BLTP3B: variants seen among roughly 807,000 people sequenced by gnomAD.
BLTP3B encodes UHRF1 (ICBP90) binding protein 1-like.
At chr12:100,047,325 C>T in the BLTP3B span, among the ~76,000 whole-genome samples, 1 of 151,954 alleles carries the variant, frequency 6.6e-6, no homozygotes, top group African/African-American at 2.4e-5. Context: ...TGGTGAAACC[C>T]CATCTCTACT....
the BLTP3B span, among the ~76,000 whole-genome samples, chr12:100,132,351 G>A: frequency 6.6e-6 from 1 of 152,186 alleles, no homozygotes. Flanking sequence ...TGACAGTGTT[G>A]GGAGGTGGCG....
At chr12:100,128,076 C>T in the BLTP3B span, among the ~76,000 whole-genome samples, 1 of 152,122 alleles carries the variant, frequency 6.6e-6, no homozygotes, top group Non-Finnish European at 1.5e-5. Flanking sequence ...GTTTGTGAGA[C>T]TTATTTCAAT....
At chr12:100,135,952 C>T in the BLTP3B span, among the ~76,000 whole-genome samples, 1 of 152,134 alleles carries the variant, frequency 6.6e-6, no homozygotes, top group African/African-American at 2.4e-5. Context: ...GTGGCTCATG[C>T]CTGTAATCCC....
chr12:100,083,075 T>C, the BLTP3B span: 1 of 1,613,890 alleles, frequency 6.2e-7, no homozygotes, highest in Non-Finnish European at 8.5e-7. Context: ...AGCTTAGCTT[T>C]TGATTGTTGA....
chr12:100,111,436 C>G, the BLTP3B span, among the ~76,000 whole-genome samples: 1 of 151,452 alleles, frequency 6.6e-6, no homozygotes, highest in Admixed American at 6.6e-5. Flanking sequence ...GACCACCACA[C>G]CCAGCTAATT....
chr12:100,089,174 C>A, the BLTP3B span: 2 of 1,247,800 alleles, frequency 1.6e-6, no homozygotes, highest in Non-Finnish European at 2.1e-6. Flanking sequence ...TATTTTCAGT[C>A]GAAAGTCATG....
the BLTP3B span, among the ~76,000 whole-genome samples, chr12:100,040,063 C>T: frequency 2.0e-5 from 3 of 151,916 alleles, no homozygotes; most frequent in Non-Finnish European, 2.9e-5. Context: ...AAGGTTTATT[C>T]GATTTAATAG....
chr12:100,082,020 T>C, the BLTP3B span, among the ~76,000 whole-genome samples: 29 of 152,350 alleles, frequency 1.9e-4, no homozygotes, highest in East Asian at 5.0e-3. Flanking sequence ...CTATTTTACA[T>C]TCCCACCAAC....
chr12:100,106,123 C>T, the BLTP3B span, among the ~76,000 whole-genome samples: 1 of 151,948 alleles, frequency 6.6e-6, no homozygotes, highest in Admixed American at 6.6e-5. Flanking sequence ...TAAGTTAGTA[C>T]AACCTCAATA....
chr12:100,095,883 C>A, the BLTP3B span: 1 of 1,436,922 alleles, frequency 7.0e-7, no homozygotes, highest in East Asian at 2.5e-5. Flanking sequence ...AAGATATAAA[C>A]CTTATAATAC....
chr12:100,069,592 T>C, the BLTP3B span, among the ~76,000 whole-genome samples: 1 of 152,086 alleles, frequency 6.6e-6, no homozygotes, highest in African/African-American at 2.4e-5. Context: ...TTATTCTAAG[T>C]GAAGTAACTC....
the BLTP3B span, chr12:100,050,347 T>C: frequency 6.4e-7 from 1 of 1,571,500 alleles, no homozygotes; most frequent in African/African-American, 1.4e-5. Context: ...ATAATATTAG[T>C]ATGCCAAGCA....
At chr12:100,097,321 C>T in the BLTP3B span, 1 of 1,566,602 alleles carries the variant, frequency 6.4e-7, no homozygotes, top group African/African-American at 1.4e-5. Context: ...AAGTCAAATC[C>T]AACAGTTAAC....
At chr12:100,109,428 G>T in the BLTP3B span, among the ~76,000 whole-genome samples, 2 of 152,018 alleles carry the variant, frequency 1.3e-5, no homozygotes, top group East Asian at 1.9e-4. Context: ...TTTATTGTAC[G>T]TTTTAAAGTA....
chr12:100,046,406 G>C, the BLTP3B span, among the ~76,000 whole-genome samples: 1 of 152,030 alleles, frequency 6.6e-6, no homozygotes, highest in Non-Finnish European at 1.5e-5. Flanking sequence ...ATAAAAAAGG[G>C]TGACTTCATG....
At chr12:100,083,970 CTTGAGGTCCAGAG>C in the BLTP3B span, among the ~76,000 whole-genome samples, 1 of 152,118 alleles carries the variant, frequency 6.6e-6, no homozygotes, top group Non-Finnish European at 1.5e-5. Context: ...GGGCAGATCA[CTTGAGGTCCAGAG>C]TTTGAGACCA....
the BLTP3B span, chr12:100,142,830 G>T: frequency 1.4e-6 from 1 of 705,950 alleles, no homozygotes; most frequent in Non-Finnish European, 2.2e-6. Flanking sequence ...GGCCGCCACG[G>T]CCGCCGCGGG....
chr12:100,116,497 T>C, the BLTP3B span, among the ~76,000 whole-genome samples: 2 of 148,702 alleles, frequency 1.3e-5, no homozygotes, highest in East Asian at 3.9e-4. Flanking sequence ...AATTACATCA[T>C]GTTCTCAATA....
At chr12:100,115,851 CA>C in the BLTP3B span, among the ~76,000 whole-genome samples, 2 of 151,950 alleles carry the variant, frequency 1.3e-5, no homozygotes, top group African/African-American at 4.8e-5. Context: ...GGTTTAAAAC[CA>C]AAAACCAACT....
Sources: allele counts gnomAD v4.1 joint callset (sites outside exome capture counted in the v4.1 genomes callset), GRCh38; gene constraint gnomAD v4.1.1; transcripts MANE v1.5; gene names NCBI Gene and HGNC (gene_info 2026-07-23, HGNC 2026-07-21).